Variants in TEX11 observed in about 807,000 individuals in gnomAD.
TEX11 encodes testis-expressed protein 11.
Under a neutral mutation model 84.4 loss-of-function variants are expected in TEX11, and 7 were observed. The observed-to-expected ratio is 0.08, with a 90% CI of 0.05 to 0.16. The LOEUF (loss-of-function observed/expected upper bound fraction) is 0.16, where lower values mean the gene tolerates loss of function less well. Among genes scored for constraint, TEX11 ranks in the 10% least tolerant of loss-of-function variants. The pLI is 1.00. For missense variants in TEX11, 551 were observed against 660.5 expected (o/e 0.83, Z 1.82); for synonymous variants, 264 against 222.8 (o/e 1.18, Z -1.64).
At chrX:70,548,986 A>C (rs2088176506) in intron 28 of TEX11, among the ~76,000 whole-genome samples, 2 of 111,249 alleles carry the variant, frequency 1.8e-5, no homozygotes, top group African/African-American at 6.5e-5. Context: ...TGCAGTTTGC[A>C]GCTCCAAAAC....
chrX:70,729,370 G>C (rs1007870831), intron 11 of TEX11, among the ~76,000 whole-genome samples: 5 of 111,685 alleles, frequency 4.5e-5, no homozygotes, highest in Non-Finnish European at 9.4e-5. Flanking sequence ...CAAGCTAAAG[G>C]AGGAAGTTCG....
chrX:70,567,443 C>T (rs1186564338), intron 25 of TEX11, among the ~76,000 whole-genome samples: 2 of 110,816 alleles, frequency 1.8e-5, no homozygotes, highest in Non-Finnish European at 3.8e-5. Flanking sequence ...TTGCCTTCTG[C>T]TAGCTTTTGA....
chrX:70,811,804 G>T (rs1313571934), intron 8 of TEX11, among the ~76,000 whole-genome samples: 2 of 111,422 alleles, frequency 1.8e-5, no homozygotes, highest in Admixed American at 9.5e-5. Context: ...TCATGTGTCT[G>T]TTGGCTGCAT....
intron 25 of TEX11, among the ~76,000 whole-genome samples, chrX:70,563,605 A>T (rs185132909): frequency 8.9e-6 from 1 of 111,808 alleles, no homozygotes. Flanking sequence ...ATTCCCTGAC[A>T]TCAGTGAGAA....
chrX:70,634,350 TTAAAA>T lies in TEX11; in HGVS notation c.1484-4620_1484-4616del, dbSNP rs746309770. 3.9e-3 allele frequency among the ~76,000 whole-genome samples: 435 copies of T among 112,003 alleles called. 2 individuals carry two copies. Among genetic ancestry groups the T allele is most frequent in the African/African-American group, 0.014 (423 of 30,865 alleles). On this transcript the variant is annotated intron_variant, in intron 17 of 29. Transcript: ENST00000374333. ...GAATCAAAATTCATTTATGCAAAAC[TTAAAA>T]TAATGATTCTAAAATTCATATGGAT...
rs751217752 is a variant in TEX11 at position 70,689,751 on chromosome X, A to T, written c.1005-6926T>A. ...AGAAGAGACAAATTTCCCATGTAGA[A>T]GAATTCAAAATAATTTATCTAGATA... On this transcript the variant is annotated intron_variant, in intron 13 of 29. Coordinates refer to ENST00000374333, the MANE Select transcript of TEX11 (RefSeq NM_031276.3). 6.2e-5 allele frequency among the ~76,000 whole-genome samples: 7 copies of T among 112,283 alleles called. No individual in the cohort carries two copies. In the East Asian group the frequency reaches 1.9e-3, roughly 31 times the overall value.
chrX:70,540,856 C>G (rs1433131283), intron 28 of TEX11, among the ~76,000 whole-genome samples: 1 of 111,996 alleles, frequency 8.9e-6, no homozygotes, highest in Non-Finnish European at 1.9e-5. Flanking sequence ...TAGAAGGATA[C>G]AATATTTGTC....
intron 1 of TEX11, among the ~76,000 whole-genome samples, chrX:70,908,122 A>G (rs2147895774): frequency 9.0e-6 from 1 of 111,702 alleles, no homozygotes; most frequent in Non-Finnish European, 1.9e-5. Flanking sequence ...TACCAACCGC[A>G]CATTCAAAGC....
intron 28 of TEX11, among the ~76,000 whole-genome samples, chrX:70,544,742 G>A (rs1441478023): frequency 1.9e-5 from 2 of 105,000 alleles, no homozygotes; most frequent in African/African-American, 7.0e-5. Flanking sequence ...GGGAGGCTGA[G>A]GCAGGAGAAT....
intron 9 of TEX11, among the ~76,000 whole-genome samples, chrX:70,786,686 G>A (rs1216030748): frequency 9.0e-6 from 1 of 111,642 alleles, no homozygotes; most frequent in Non-Finnish European, 1.9e-5. Flanking sequence ...ACTAGCAACT[G>A]AATTCAACAA....
the TEX11 span, among the ~76,000 whole-genome samples, chrX:70,513,285 G>A: frequency 5.4e-4 from 56 of 104,342 alleles, 9 homozygotes; most frequent in East Asian, 9.5e-3. Flanking sequence ...CCTGGGAGGC[G>A]GAGGTTGCAG....
chrX:70,905,089 G>A (rs902524693), intron 2 of TEX11, among the ~76,000 whole-genome samples: 6 of 111,813 alleles, frequency 5.4e-5, no homozygotes, highest in Middle Eastern at 4.7e-3. Flanking sequence ...TTGGGAGGCC[G>A]AGGCGGGCAG....
intron 7 of TEX11, among the ~76,000 whole-genome samples, chrX:70,845,454 G>T (rs929302000): frequency 9.0e-6 from 1 of 111,049 alleles, no homozygotes; most frequent in African/African-American, 3.3e-5. Flanking sequence ...GGGCCACTGC[G>T]CCTGGCCCAC....
intron 9 of TEX11, among the ~76,000 whole-genome samples, chrX:70,780,331 T>A (rs367680735): frequency 1.8e-5 from 2 of 111,647 alleles, no homozygotes; most frequent in African/African-American, 6.5e-5. Flanking sequence ...GAATGCCAGG[T>A]TTTCCATTCA....
chrX:70,761,786 A>G (rs749453056), intron 9 of TEX11, among the ~76,000 whole-genome samples: 20 of 112,183 alleles, frequency 1.8e-4, no homozygotes, highest in Admixed American at 3.8e-4. Flanking sequence ...ACCTAGAAGG[A>G]GATATCAATA....
At position 70,588,688 on chromosome X, in the gene TEX11, T is replaced by C. The variant is rs145653696; in HGVS notation, c.2140+3063A>G. Among the ~76,000 whole-genome samples the C allele has an allele frequency of 5.5e-3, 612 of 111,948 alleles. 5 individuals carry two copies. Among genetic ancestry groups the C allele is most frequent in the African/African-American group, 0.019 (598 of 30,864 alleles). ...TAAAATGGAAGGGAATTTTGACACA[T>C]GCTATGACATGGACGAATCTTGAAT... On this transcript the variant is annotated intron_variant, in intron 25 of 29. Coordinates refer to ENST00000374333, the MANE Select transcript of TEX11 (RefSeq NM_031276.3).
At chrX:70,802,855 T>C (rs1485515529) in intron 9 of TEX11, among the ~76,000 whole-genome samples, 1 of 112,311 alleles carries the variant, frequency 8.9e-6, no homozygotes, top group Non-Finnish European at 1.9e-5. Context: ...CTTTGTAGAA[T>C]ACAAATTTGT....
At position 70,907,781 on chromosome X, in the gene TEX11, A is replaced by G. The variant is rs376179500; in HGVS notation, c.9T>C (p.Asn3=). The change falls in exon 2 of 30, where the codon AAT becomes AAC. Residue 3 remains asparagine (N), a synonymous_variant. Coordinates refer to ENST00000374333, the MANE Select transcript of TEX11 (RefSeq NM_031276.3). MD[N]DDFFSMDFKE... is the part of the protein sequence containing the mutation. ...TAAAGTCCATGGAAAAAAAATCATC[A>G]TTGTCCATTTTTAAATCTCTGGCTC... The G allele has an allele frequency of 3.6e-4, 423 of 1,182,233 alleles. 1 individual carries two copies. Among genetic ancestry groups the G allele is most frequent in the Non-Finnish European group, 4.6e-4 (397 of 869,974 alleles).
At chrX:70,841,807 C>T (rs1403776242) in intron 7 of TEX11, among the ~76,000 whole-genome samples, 11 of 110,932 alleles carry the variant, frequency 9.9e-5, no homozygotes, top group South Asian at 3.8e-4. Flanking sequence ...ATATCACCAC[C>T]GATCCCACAG....
Sources: gnomAD v4.1 joint callset for allele counts (sites outside exome capture counted in the v4.1 genomes callset) on GRCh38, gnomAD v4.1.1 for gene constraint, MANE v1.5 for transcripts, NCBI Gene and HGNC (gene_info 2026-07-23, HGNC 2026-07-21) for gene names.